The following GHITM variants were observed in gnomAD, a reference collection of about 807,000 sequenced individuals.
GHITM encodes the protein growth hormone-inducible transmembrane protein.
GHITM carries 24 observed loss-of-function variants against 38.7 expected under a neutral mutation model. The observed-to-expected ratio is 0.62, with a 90% CI of 0.45 to 0.87. The LOEUF is 0.87. GHITM is among the 40% of genes least tolerant of loss of function. The pLI is 0.00. For synonymous variants in GHITM, 154 were observed against 147.8 expected (o/e 1.04, Z -0.30); for missense variants, 420 against 429.8 (o/e 0.98, Z 0.20).
At position 84,141,566 on chromosome 10, in the gene GHITM, C is replaced by T; in HGVS notation, c.66C>T (p.Thr22=). ...CTAGGGTTTTCCACCCAGCTTTCAC[C>T]AAGGCCTCCCCTGTTGTGAAGAATT... ...LPSRVFHPAF[T]KASPVVKNSI... The change falls in exon 2 of 9, where the codon ACC becomes ACT. Residue 22 remains threonine (T), a synonymous_variant. Transcript: ENST00000372134. 1 of 1,613,236 alleles carries T rather than the reference C, an allele frequency of 6.2e-7. No individual in the cohort carries two copies. Among genetic ancestry groups the T allele is most frequent in the East Asian group, 2.2e-5 (1 of 44,894 alleles).
intron 3 of GHITM, 103 bp downstream of exon 3, chr10:84,142,857 G>A: frequency 1.8e-6 from 1 of 550,050 alleles, no homozygotes; most frequent in Admixed American, 3.3e-5. Flanking sequence ...CATTTTCTGG[G>A]AAGACCACAT....
chr10:84,143,576 C>T (rs890647268), intron 3 of GHITM, among the ~76,000 whole-genome samples: 17 of 152,046 alleles, frequency 1.1e-4, no homozygotes, highest in African/African-American at 4.1e-4. Context: ...TCTTGATTTC[C>T]ACGTAAAGCA....
Position 84,150,178 on chromosome 10 carries a change from A to T in GHITM, c.716A>T (p.Glu239Val). The stretch of plus-strand genomic sequence containing the variant: ...ACTGTGGCCATGTGTGCGCCCAGTG[A>T]AAAGTTTCTGAACATGGGTGCACCC... The part of the protein sequence containing the change: ...LSTVAMCAPS[E>V]KFLNMGAPLG... Residue 239 changes from glutamate (E) to valine (V), a missense_variant, in exon 7 of 9, where the codon GAA (glutamate) becomes GTA (valine). Coordinates refer to ENST00000372134, the MANE Select transcript of GHITM (RefSeq NM_014394.3). 1 of 1,613,942 alleles carries T rather than the reference A, an allele frequency of 6.2e-7. No homozygotes were observed. Among genetic ancestry groups the T allele is most frequent in the South Asian group, 1.1e-5 (1 of 91,072 alleles).
At chr10:84,149,918 GTAT>G in intron 6 of GHITM, 134 bp from the exon 7 acceptor site, 3 of 580,518 alleles carry the variant, frequency 5.2e-6, no homozygotes, top group Non-Finnish European at 8.0e-6. Context: ...GGTGGGGGTA[GTAT>G]TATCTAAAGG....
At chr10:84,150,264 A>T in intron 7 of GHITM, 21 bp downstream of exon 7, 13 of 1,534,956 alleles carry the variant, frequency 8.5e-6, no homozygotes, top group Non-Finnish European at 1.1e-5. Flanking sequence ...GTGTTTTAAC[A>T]CTTAATTCTT....
At chr10:84,146,327 G>A (rs774571342) in intron 5 of GHITM, among the ~76,000 whole-genome samples, 9 of 152,174 alleles carry the variant, frequency 5.9e-5, no homozygotes, top group Non-Finnish European at 1.2e-4. Flanking sequence ...GAACCAATGT[G>A]GAAGAGACAT....
At chr10:84,145,840 C>T (rs1382926623) in intron 5 of GHITM, among the ~76,000 whole-genome samples, 5 of 152,052 alleles carry the variant, frequency 3.3e-5, no homozygotes, top group East Asian at 1.9e-4. Flanking sequence ...AGGCAAGTTC[C>T]GTGAAGGAGA....
At chr10:84,148,271 GTTTTTATTTTTTAT>G (rs199532579) in intron 5 of GHITM, among the ~76,000 whole-genome samples, 12 of 150,702 alleles carry the variant, frequency 8.0e-5, no homozygotes, top group African/African-American at 1.2e-4. Flanking sequence ...AAAAATTAAA[GTTTTTATTTTTTAT>G]TTTTTATTTT....
At chr10:84,148,562 C>A (rs1320700568) in intron 5 of GHITM, among the ~76,000 whole-genome samples, 168 bp from the exon 6 acceptor site, 1 of 152,246 alleles carries the variant, frequency 6.6e-6, no homozygotes, top group Admixed American at 6.5e-5. Flanking sequence ...TCCCAAAGTG[C>A]TGGGATTGCA....
At position 84,141,631 on chromosome 10, in the gene GHITM, T is replaced by G; in HGVS notation, c.129+2T>G. ...CAATGGCTGTTAACACCTAGCAGGG[T>G]AAAGATAATCTGAATGTTTTTATAT... On this transcript the variant is annotated splice_donor_variant, in intron 2 of 8. Coordinates refer to ENST00000372134, the MANE Select transcript of GHITM (RefSeq NM_014394.3). LOFTEE classifies it high-confidence loss of function. The G allele has an allele frequency of 6.2e-7, 1 of 1,613,632 alleles. No homozygotes were observed. Among genetic ancestry groups the G allele is most frequent in the Non-Finnish European group, 8.5e-7 (1 of 1,179,550 alleles).
intron 1 of GHITM, chr10:84,140,365 C>G (rs1055797448): frequency 3.9e-5 from 6 of 152,154 alleles, no homozygotes; most frequent in Admixed American, 3.3e-4. Context: ...AGCAATAGTT[C>G]TTAGCTTTTG....
chr10:84,142,606 G>T lies in GHITM; in HGVS notation c.130-49G>T, dbSNP rs568533895. On this transcript the variant is annotated intron_variant, in intron 2 of 8. Coordinates refer to ENST00000372134, the MANE Select transcript of GHITM (RefSeq NM_014394.3). Reference sequence around the variant, plus strand: ...GGATCTTGCATTTTATTTTATTAACGTTCTGTTTTCATGTGGGTGGTACGT... The same window carrying T: ...GGATCTTGCATTTTATTTTATTAACTTTCTGTTTTCATGTGGGTGGTACGT... 1.4e-5 allele frequency: 16 copies of T among 1,148,250 alleles called. No individual in the cohort carries two copies. The East Asian group carries it at 2.9e-4, about 21-fold the overall frequency. 71.1% of individuals were successfully genotyped at this position (1,148,250 alleles called of 1,614,324 possible). A position where few individuals can be genotyped will look rare whatever the true frequency, so the allele number is the denominator to read the frequency against.
chr10:84,150,910 A>T, intron 8 of GHITM, 30 bp downstream of exon 8: 1 of 1,445,566 alleles, frequency 6.9e-7, no homozygotes, highest in Non-Finnish European at 9.7e-7. Flanking sequence ...TAACACTGTT[A>T]CTCTGTCACA....
chr10:84,145,264 T>C (rs1435505294), intron 5 of GHITM, among the ~76,000 whole-genome samples: 2 of 152,232 alleles, frequency 1.3e-5, no homozygotes, highest in African/African-American at 4.8e-5. Context: ...GTTTTTGAAT[T>C]AGGGATCCTG....
chr10:84,141,940 A>G (rs1276306672), intron 2 of GHITM, among the ~76,000 whole-genome samples: 3 of 151,734 alleles, frequency 2.0e-5, no homozygotes, highest in African/African-American at 7.3e-5. Context: ...ACATAGTCAG[A>G]AGTTTAAGAA....
In GHITM at chr10:84,148,862, C is replaced by T. The variant is rs143050321; in HGVS notation, c.592+24C>T. On this transcript the variant is annotated intron_variant, in intron 6 of 8. Coordinates refer to ENST00000372134, the MANE Select transcript of GHITM (RefSeq NM_014394.3). ...TGGTATGTTCTGTTTTAAATTGTTA[C>T]GAGACAACCTTGACTACCACCTTTT... The T allele has an allele frequency of 3.8e-4, 546 of 1,427,608 alleles. 1 individual carries two copies. In the African/African-American group the frequency reaches 6.7e-3, roughly 18 times the overall value. 88.4% of individuals were successfully genotyped at this position (1,427,608 alleles called of 1,614,324 possible). A position where few individuals can be genotyped will look rare whatever the true frequency, so the allele number is the denominator to read the frequency against.
chr10:84,145,409 C>A (rs1385714740), intron 5 of GHITM, among the ~76,000 whole-genome samples: 1 of 152,212 alleles, frequency 6.6e-6, no homozygotes, highest in Non-Finnish European at 1.5e-5. Context: ...GAAGTTCATT[C>A]TAGGTAGGTC....
chr10:84,150,810 AC>A lies in GHITM; in HGVS notation c.886del (p.Gln296ArgfsTer3), dbSNP rs757193604. On this transcript the variant is annotated frameshift_variant, in exon 8 of 9. Coordinates refer to ENST00000372134, the MANE Select transcript of GHITM (RefSeq NM_014394.3). LOFTEE classifies it high-confidence loss of function. Reference protein sequence around the residue: ...VLFSMFLLYDTQKVIKRAEVS... With the variant: ...VLFSMFLLYDXQKVIKRAEVS... ...TTTCAGCATGTTCCTTCTGTATGAT[AC>A]CCAGAAAGTAATCAAGCGTGCAGAA... The A allele has an allele frequency of 6.2e-7, 1 of 1,612,188 alleles. No homozygotes were observed. The highest frequency in any genetic ancestry group is 1.7e-5 in the Admixed American group (1 of 60,030).
chr10:84,141,168 C>T (rs373999181), intron 1 of GHITM, among the ~76,000 whole-genome samples: 13 of 152,280 alleles, frequency 8.5e-5, no homozygotes, highest in Admixed American at 2.6e-4. Flanking sequence ...TATTAACAGC[C>T]GTTCTGTGTT....
Sources: allele counts gnomAD v4.1 joint callset (sites outside exome capture counted in the v4.1 genomes callset), GRCh38; gene constraint gnomAD v4.1.1; transcripts MANE v1.5; gene names NCBI Gene and HGNC (gene_info 2026-07-23, HGNC 2026-07-21).